CEMIP: variants seen among roughly 807,000 people sequenced by gnomAD.
CEMIP encodes cell migration inducing hyaluronidase 1.
CEMIP carries 105 observed loss-of-function variants against 156.9 expected under a neutral mutation model. That is an observed-to-expected ratio of 0.67 (90% CI 0.57 to 0.79). The LOEUF is 0.79. Ranked by LOEUF, CEMIP falls within the 30% of genes least tolerant of loss-of-function variation. The pLI is 0.00. For missense variants in CEMIP, 1,457 were observed against 1,769.4 expected, an observed-to-expected ratio of 0.82 and a Z score of 3.17; for synonymous variants, 676 against 668.4, an observed-to-expected ratio of 1.01 and a Z score of -0.17.
Position 80,936,736 on chromosome 15 carries a change from C to T in CEMIP, c.3072C>T (p.Pro1024=). Residue 1024 remains proline (P), a synonymous_variant, in exon 24 of 30, where the codon CCC becomes CCT. Coordinates refer to ENST00000394685, the MANE Select transcript of CEMIP (RefSeq NM_001293298.2). ...LRMKIIKNDF[P]SHPLYLEGAL... is the part of the protein sequence containing the mutation. ...TGAAGATCATCAAGAATGACTTCCCCAGCCACCCTCTTTACCTGGAGGGGG... is the reference window on the plus strand; with the variant it reads ...TGAAGATCATCAAGAATGACTTCCCTAGCCACCCTCTTTACCTGGAGGGGG... The T allele has an allele frequency of 2.5e-6, 4 of 1,614,198 alleles. No homozygotes were observed. The highest frequency in any genetic ancestry group is 3.4e-6 in the Non-Finnish European group (4 of 1,180,022).
At chr15:80,911,226 G>A (rs1381581396) in intron 14 of CEMIP, among the ~76,000 whole-genome samples, 4 of 152,168 alleles carry the variant, frequency 2.6e-5, no homozygotes, top group African/African-American at 9.7e-5. Context: ...TCCCTCATGC[G>A]ATTTGCAGAA....
At chr15:80,831,220 G>A (rs572785721) in intron 1 of CEMIP, among the ~76,000 whole-genome samples, 46 of 152,284 alleles carry the variant, frequency 3.0e-4, no homozygotes, top group South Asian at 2.5e-3. Context: ...AGCACTTTCC[G>A]TGAAGGTGTT....
chr15:80,947,093 G>T (rs987676194), intron 29 of CEMIP, 28 bp downstream of exon 29: 3 of 1,464,156 alleles, frequency 2.0e-6, no homozygotes, highest in Non-Finnish European at 1.9e-6. Context: ...GGTTTAAACT[G>T]ACCCCAAAAC....
chr15:80,844,870 G>A (rs1008525504), intron 1 of CEMIP, among the ~76,000 whole-genome samples: 6 of 152,150 alleles, frequency 3.9e-5, no homozygotes. Flanking sequence ...CATGGCCCCA[G>A]CCCCAGGGTG....
intron 7 of CEMIP, 143 bp downstream of exon 7, chr15:80,884,497 A>T: frequency 2.3e-6 from 2 of 859,278 alleles, no homozygotes; most frequent in Non-Finnish European, 3.9e-6. Flanking sequence ...TGCATTTGAC[A>T]TCTGAGTTTG....
chr15:80,889,515 A>C lies in CEMIP; in HGVS notation c.1009A>C (p.Thr337Pro), dbSNP rs1898962798. Residue 337 changes from threonine (T) to proline (P), a missense_variant, in exon 10 of 30, where the codon ACT becomes CCT. By Grantham distance (38) the Thr-to-Pro change is conservative (BLOSUM62 -1). Coordinates refer to ENST00000394685, the MANE Select transcript of CEMIP (RefSeq NM_001293298.2). ...EWFDHDKVSQ[T>P]KGGEKISDLW... Reference sequence around the variant, plus strand: ...GTTCGATCATGATAAAGTATCTCAGACTAAAGGTGGGGAGAAAATTTCAGA... The same window carrying C: ...GTTCGATCATGATAAAGTATCTCAGCCTAAAGGTGGGGAGAAAATTTCAGA... 20 of 1,614,208 alleles carry C rather than the reference A, an allele frequency of 1.2e-5. No individual in the cohort carries two copies. The highest frequency in any genetic ancestry group is 1.7e-5 in the Non-Finnish European group (20 of 1,180,026).
At chr15:80,939,672 C>T (rs140355040) in intron 25 of CEMIP, among the ~76,000 whole-genome samples, 63 of 152,322 alleles carry the variant, frequency 4.1e-4, no homozygotes, top group African/African-American at 1.4e-3. Context: ...TAGCTTAGCC[C>T]TATGCCTGTT....
intron 1 of CEMIP, among the ~76,000 whole-genome samples, chr15:80,866,996 C>T (rs887150933): frequency 6.6e-6 from 1 of 152,090 alleles, no homozygotes; most frequent in Non-Finnish European, 1.5e-5. Flanking sequence ...AGCAATTCCC[C>T]TATCAGATAC....
At chr15:80,908,051 C>T (rs1457686846) in intron 13 of CEMIP, among the ~76,000 whole-genome samples, 2 of 152,206 alleles carry the variant, frequency 1.3e-5, no homozygotes, top group Non-Finnish European at 2.9e-5. Context: ...CTGGCCCCTA[C>T]TCATTCAATG....
chr15:80,786,772 C>T (rs1440755540), intron 1 of CEMIP, among the ~76,000 whole-genome samples: 2 of 152,112 alleles, frequency 1.3e-5, no homozygotes, highest in African/African-American at 2.4e-5. Context: ...GAGGGACAAA[C>T]AAAGTTGTGA....
At chr15:80,820,032 G>A (rs1896873573) in intron 1 of CEMIP, among the ~76,000 whole-genome samples, 1 of 152,196 alleles carries the variant, frequency 6.6e-6, no homozygotes, top group African/African-American at 2.4e-5. Context: ...AGCTCAACCA[G>A]CCTTTCTCTT....
intron 6 of CEMIP, among the ~76,000 whole-genome samples, chr15:80,881,566 T>A (rs1045080939): frequency 6.6e-6 from 1 of 152,074 alleles, no homozygotes; most frequent in Non-Finnish European, 1.5e-5. Flanking sequence ...TGAAAGGGCA[T>A]GACATTCTCA....
In CEMIP at chr15:80,906,663, G is replaced by T. The variant is rs747940968; in HGVS notation, c.1412G>T (p.Gly471Val). Residue 471 changes from glycine (G) to valine (V), a missense_variant and splice_region_variant, in exon 13 of 30, where the codon GGG (glycine) becomes GTG (valine). Gly to Val is a moderately radical substitution (Grantham distance 109). Coordinates refer to ENST00000394685, the MANE Select transcript of CEMIP (RefSeq NM_001293298.2). This position sits in a 1 kb window ranked among gnomAD's most constrained non-coding sequence, Gnocchi z 4.3. ...SCAPNQVKVAGKPMYLHIGEE... is the reference protein window; with the variant it reads ...SCAPNQVKVAVKPMYLHIGEE... ...TTACCGTCCTCCCTTTCTGCCCTAG[G>T]GAAACCAATGTACCTGCACATCGGG... is the stretch of plus-strand genomic sequence containing the variant. 1.2e-6 allele frequency: 2 copies of T among 1,612,580 alleles called. No homozygotes were observed. The highest frequency in any genetic ancestry group is 1.7e-6 in the Non-Finnish European group (2 of 1,178,848).
At chr15:80,839,285 C>CGTGGTGTGTGTGTGTGTGTGTGT (rs1897333338) in intron 1 of CEMIP, among the ~76,000 whole-genome samples, 1 of 60,052 alleles carries the variant, frequency 1.7e-5, no homozygotes, top group African/African-American at 1.2e-4. Flanking sequence ...GAGTCAAGGC[C>CGTGGTGTGTGTGTGTGTGTGTGT]GTGAGTGTGT....
intron 1 of CEMIP, among the ~76,000 whole-genome samples, chr15:80,863,970 C>T (rs1035097342): frequency 6.6e-6 from 1 of 152,192 alleles, no homozygotes; most frequent in East Asian, 1.9e-4. Flanking sequence ...TCTCTTCTCC[C>T]TTTCCCTTCC....
intron 29 of CEMIP, 155 bp downstream of exon 29, chr15:80,947,220 G>A: frequency 6.4e-6 from 4 of 625,062 alleles, no homozygotes; most frequent in East Asian, 2.8e-5. Flanking sequence ...GTGGTCTACT[G>A]GAATGGATGG....
intron 1 of CEMIP, among the ~76,000 whole-genome samples, chr15:80,820,348 G>C (rs763185793): frequency 5.3e-5 from 8 of 152,138 alleles, no homozygotes; most frequent in Non-Finnish European, 1.2e-4. Context: ...GTATTCCTTT[G>C]GCCTGCATAA....
intron 19 of CEMIP, among the ~76,000 whole-genome samples, chr15:80,926,743 A>G (rs1900686771): frequency 1.3e-5 from 2 of 150,762 alleles, no homozygotes; most frequent in Admixed American, 1.3e-4. Flanking sequence ...GCAGTGGCCA[A>G]AAATAAACAA....
In CEMIP at chr15:80,815,125, C is replaced by A. The variant is rs73497069; in HGVS notation, c.-176+35511C>A. Among the ~76,000 whole-genome samples, 952 of 152,346 alleles carry A rather than the reference C, an allele frequency of 6.2e-3. 8 individuals carry two copies. The highest frequency in any genetic ancestry group is 0.022 in the African/African-American group (914 of 41,578). On this transcript the variant is annotated intron_variant, in intron 1 of 29. Coordinates refer to ENST00000394685, the MANE Select transcript of CEMIP (RefSeq NM_001293298.2). ...AAGTAAGGAAAACCTGCCATATATA[C>A]CCTGCATGTAAGACAGAGTAGAGAA...
Sources: gnomAD v4.1 joint callset for allele counts (sites outside exome capture counted in the v4.1 genomes callset) on GRCh38, gnomAD v4.1.1 for gene constraint, Gnocchi (gnomAD v3.1) non-coding constraint, MANE v1.5 for transcripts, NCBI Gene and HGNC (gene_info 2026-07-23, HGNC 2026-07-21) for gene names.